Variants in ASTN1 observed in about 807,000 individuals in gnomAD.
ASTN1 encodes the protein astrotactin 1, also known as astrotactin-1.
ASTN1 carries 41 observed loss-of-function variants against 140.7 expected under a neutral mutation model. The observed-to-expected ratio is 0.29, with a 90% CI of 0.23 to 0.38. The LOEUF is 0.38. ASTN1 is among the 10% of genes least tolerant of loss of function. The probability of loss-of-function intolerance (pLI) is 1.00; values close to 1 mark genes in which losing one functional copy is unlikely to be tolerated. For synonymous variants in ASTN1, 640 were observed against 652.2 expected (o/e 0.98, Z 0.29); for missense variants, 1,479 against 1,678.8 (o/e 0.88, Z 2.08).
At position 176,861,793 on chromosome 1, in the gene ASTN1, AAAG is replaced by A. The variant is rs1667972091; in HGVS notation, c.*2488_*2490del. 5 of 985,482 alleles carry A rather than the reference AAAG, an allele frequency of 5.1e-6. No homozygotes were observed. Among genetic ancestry groups the A allele is most frequent in the African/African-American group, 1.7e-5 (1 of 57,342 alleles). The allele number at this position is 985,482 out of a possible 1,614,324, so 61.0% of individuals were successfully genotyped here. A position where few individuals can be genotyped will look rare whatever the true frequency, so the allele number is the denominator to read the frequency against. On this transcript the variant is annotated 3_prime_UTR_variant, in exon 23 of 23. Transcript: ENST00000361833. The stretch of plus-strand genomic sequence containing the variant: ...GGAGGCCAAAAAAGGAGGGTCACAG[AAAG>A]AAGAAGTAAAAGACAAAGATAAAGA...
chr1:176,876,123 T>C lies in ASTN1; in HGVS notation c.3463+414A>G, dbSNP rs372419209. Reference sequence around the variant, plus strand: ...GGGATGGGAGGATTTAGCAATTAACTGCAAATCTGCAGCCTTGCTGTATAT... The same window carrying C: ...GGGATGGGAGGATTTAGCAATTAACCGCAAATCTGCAGCCTTGCTGTATAT... On this transcript the variant is annotated intron_variant, in intron 21 of 22. Transcript: ENST00000361833. Among the ~76,000 whole-genome samples the C allele has an allele frequency of 3.9e-5, 6 of 152,340 alleles. No individual in the cohort carries two copies. In the East Asian group the frequency reaches 7.7e-4, roughly 20 times the overall value.
At chr1:177,160,754 C>T (rs969473067) in intron 1 of ASTN1, among the ~76,000 whole-genome samples, 1 of 152,142 alleles carries the variant, frequency 6.6e-6, no homozygotes, top group Non-Finnish European at 1.5e-5. Flanking sequence ...TCTTAAATCT[C>T]CTGAGAGGAT....
intron 1 of ASTN1, among the ~76,000 whole-genome samples, chr1:177,078,941 A>T (rs1242930261): frequency 6.6e-6 from 1 of 152,124 alleles, no homozygotes; most frequent in Non-Finnish European, 1.5e-5. Context: ...TGTAAAAAAA[A>T]ATCAATTTGA....
At chr1:177,060,228 T>C (rs749287050) in intron 2 of ASTN1, among the ~76,000 whole-genome samples, 4 of 152,204 alleles carry the variant, frequency 2.6e-5, no homozygotes, top group Non-Finnish European at 5.9e-5. Flanking sequence ...TCCAACTTTT[T>C]TTGAGGCTTC....
At chr1:177,161,297 C>T (rs1647349167) in intron 1 of ASTN1, among the ~76,000 whole-genome samples, 1 of 152,168 alleles carries the variant, frequency 6.6e-6, no homozygotes, top group South Asian at 2.1e-4. Flanking sequence ...CAGGCCGATC[C>T]CCACACTATG....
At chr1:176,957,011 C>T (rs1321189144) in intron 11 of ASTN1, among the ~76,000 whole-genome samples, 1 of 152,176 alleles carries the variant, frequency 6.6e-6, no homozygotes, top group African/African-American at 2.4e-5. Flanking sequence ...AATCCTTCTG[C>T]CTCAGCCTCC....
chr1:177,029,836 T>A, intron 4 of ASTN1, 95 bp from the exon 5 acceptor site: 1 of 1,190,950 alleles, frequency 8.4e-7, no homozygotes, highest in African/African-American at 1.5e-5. Context: ...TCAACAAAAA[T>A]GAAAGTAAGC....
chr1:176,974,615 G>A (rs1421761071), intron 8 of ASTN1, among the ~76,000 whole-genome samples: 1 of 152,116 alleles, frequency 6.6e-6, no homozygotes, highest in Non-Finnish European at 1.5e-5. Context: ...TCGAACTCCT[G>A]ACCTTGTGAT....
intron 16 of ASTN1, among the ~76,000 whole-genome samples, chr1:176,898,726 C>A (rs1669635126): frequency 6.6e-6 from 1 of 152,110 alleles, no homozygotes; most frequent in Non-Finnish European, 1.5e-5. Flanking sequence ...GAAGACCCTG[C>A]CTTACTTCCT....
intron 8 of ASTN1, among the ~76,000 whole-genome samples, chr1:176,966,683 A>G (rs1261424028): frequency 1.3e-5 from 2 of 152,188 alleles, no homozygotes; most frequent in African/African-American, 2.4e-5. Flanking sequence ...CACGCATATC[A>G]TAATACAGTA....
At chr1:177,010,955 G>A (rs1363587538) in intron 8 of ASTN1, among the ~76,000 whole-genome samples, 1 of 152,140 alleles carries the variant, frequency 6.6e-6, no homozygotes, top group Non-Finnish European at 1.5e-5. Context: ...AAAGTGTAGT[G>A]AGAGTACACC....
chr1:177,069,948 C>T (rs560189326), intron 1 of ASTN1, among the ~76,000 whole-genome samples: 1 of 152,104 alleles, frequency 6.6e-6, no homozygotes, highest in South Asian at 2.1e-4. Context: ...TTACTTATAT[C>T]TATTTCTATT....
chr1:177,163,732 A>G (rs560967687), intron 1 of ASTN1, among the ~76,000 whole-genome samples: 1 of 152,318 alleles, frequency 6.6e-6, no homozygotes, highest in South Asian at 2.1e-4. Flanking sequence ...ACCAACTGTG[A>G]CGTGACATGG....
chr1:176,998,495 G>C (rs1200898342), intron 8 of ASTN1, among the ~76,000 whole-genome samples: 1 of 151,292 alleles, frequency 6.6e-6, no homozygotes, highest in Non-Finnish European at 1.5e-5. Flanking sequence ...ACTTATCTTC[G>C]GGCTTCTTTC....
Position 176,862,889 on chromosome 1 carries a change from C to A in ASTN1, c.*1395G>T, listed in dbSNP as rs910130183. ...GCCTTATAGGTCTTGCATCTGTTTG[C>A]TGACCTTTCTCATATGTTTCCAGAT... On this transcript the variant is annotated 3_prime_UTR_variant, in exon 23 of 23. Transcript: ENST00000361833. 22 of 985,342 alleles carry A rather than the reference C, an allele frequency of 2.2e-5. No homozygotes were observed. Among genetic ancestry groups the A allele is most frequent in the Non-Finnish European group, 2.7e-5 (22 of 829,964 alleles). 61.0% of individuals were successfully genotyped at this position (985,342 alleles called of 1,614,324 possible).
intron 9 of ASTN1, among the ~76,000 whole-genome samples, chr1:176,958,832 A>T (rs1304034724): frequency 6.6e-6 from 1 of 151,920 alleles, no homozygotes; most frequent in Non-Finnish European, 1.5e-5. Context: ...AGAGATGCCA[A>T]CCTCCCACCG....
chr1:177,147,183 A>G (rs1408607459), intron 1 of ASTN1, among the ~76,000 whole-genome samples: 1 of 152,218 alleles, frequency 6.6e-6, no homozygotes, highest in East Asian at 1.9e-4. Context: ...AGTGAAAAAG[A>G]CAACTGATTT....
intron 21 of ASTN1, 46 bp downstream of exon 21, chr1:176,876,491 C>G: frequency 6.3e-7 from 1 of 1,596,640 alleles, no homozygotes; most frequent in Non-Finnish European, 8.6e-7. Flanking sequence ...GTGGTGGGTA[C>G]CTGGGGCATC....
intron 1 of ASTN1, among the ~76,000 whole-genome samples, chr1:177,097,846 T>C (rs1396095453): frequency 1.3e-5 from 2 of 152,110 alleles, no homozygotes; most frequent in Non-Finnish European, 2.9e-5. Context: ...TAATGGAACC[T>C]CCGTAAAACC....
Sources: allele counts gnomAD v4.1 joint callset (sites outside exome capture counted in the v4.1 genomes callset), GRCh38; gene constraint gnomAD v4.1.1; transcripts MANE v1.5; gene names NCBI Gene and HGNC (gene_info 2026-07-23, HGNC 2026-07-21).